The following DAB1 variants were observed in gnomAD, a reference collection of about 807,000 sequenced individuals.
DAB1 encodes the protein DAB adaptor protein 1.
A neutral mutation model predicts 64.6 loss-of-function variants in DAB1; 15 were observed. That is an observed-to-expected ratio of 0.23 (90% CI 0.16 to 0.36). The LOEUF (loss-of-function observed/expected upper bound fraction) is 0.36. Ranked by LOEUF, DAB1 falls within the 10% of genes least tolerant of loss-of-function variation. DAB1 has a pLI of 1.00. For missense variants in DAB1, 596 were observed against 706.7 expected (o/e 0.84, Z 1.78); for synonymous variants, 235 against 251.9 (o/e 0.93, Z 0.64).
intron 3 of DAB1, among the ~76,000 whole-genome samples, chr1:58,490,457 T>G (rs1039450209): frequency 4.6e-5 from 7 of 152,164 alleles, no homozygotes; most frequent in African/African-American, 1.7e-4. Context: ...AGACCAAATC[T>G]ACATCTGATT....
At chr1:57,439,267 C>G (rs1484002396) in intron 7 of DAB1, among the ~76,000 whole-genome samples, 5 of 152,036 alleles carry the variant, frequency 3.3e-5, no homozygotes, top group Non-Finnish European at 7.4e-5. Context: ...CAAAAGAAAT[C>G]AAATCCCTAT....
At chr1:58,397,886 A>G (rs948028775) in intron 3 of DAB1, among the ~76,000 whole-genome samples, 1 of 152,206 alleles carries the variant, frequency 6.6e-6, no homozygotes, top group Non-Finnish European at 1.5e-5. Flanking sequence ...TAAGGTAATT[A>G]AATGAGTTAC....
Position 57,613,899 on chromosome 1 carries a change from C to T in DAB1, n.625+35693G>A, listed in dbSNP as rs142259236. ...GGGCAAGTCAAAGTACTCCTTTGTT[C>T]TTTGCTCTAGTAGAAAGGGGATAAT... On this transcript the variant is annotated intron_variant and non_coding_transcript_variant, in intron 7 of 20. Coordinates refer to the DAB1 transcript ENST00000485760. Among the ~76,000 whole-genome samples the T allele has an allele frequency of 7.2e-5, 11 of 152,258 alleles. No homozygotes were observed. In the East Asian group the frequency reaches 2.1e-3, roughly 29 times the overall value.
intron 3 of DAB1, among the ~76,000 whole-genome samples, chr1:58,438,334 C>T (rs1204796050): frequency 2.0e-5 from 3 of 152,188 alleles, no homozygotes; most frequent in Admixed American, 2.0e-4. Context: ...TGGGCCTAAT[C>T]AAGTCTTGAG....
Position 57,134,451 on chromosome 1 carries a change from G to A in DAB1, c.306+2092C>T, listed in dbSNP as rs1041831898. Among the ~76,000 whole-genome samples, 19 of 136,578 alleles carry A rather than the reference G, an allele frequency of 1.4e-4. 1 individual carries two copies. In the East Asian group the frequency reaches 3.7e-3, roughly 26 times the overall value. The allele number at this position is 136,578 out of a possible 152,430, so 89.6% of individuals were successfully genotyped here. On this transcript the variant is annotated intron_variant, in intron 4 of 14. Coordinates refer to ENST00000371236, the MANE Select transcript of DAB1 (RefSeq NM_001365792.1). ...AATACAAAAAAATTTAGCTGGGCGT[G>A]CTAGTGAACACCTGTAATCCCAGCT... is the stretch of plus-strand genomic sequence containing the variant.
rs149755177 is a variant in DAB1, at chr1:58,387,207, T to C, written n.258-43804A>G. Among the ~76,000 whole-genome samples the C allele has an allele frequency of 6.2e-3, 948 of 152,294 alleles. 8 individuals carry two copies. The highest frequency in any genetic ancestry group is 0.022 in the African/African-American group (922 of 41,550). On this transcript the variant is annotated intron_variant and non_coding_transcript_variant, in intron 3 of 20. Coordinates refer to the DAB1 transcript ENST00000485760. ...AAACACTGCTGGCCCCTGCTCTACATCCACTGCAGAGGCCAAGGGAAAGGT... is the reference window on the plus strand; with the variant it reads ...AAACACTGCTGGCCCCTGCTCTACACCCACTGCAGAGGCCAAGGGAAAGGT...
At chr1:58,534,952 G>A (rs1646493906) in intron 1 of DAB1, among the ~76,000 whole-genome samples, 1 of 152,036 alleles carries the variant, frequency 6.6e-6, no homozygotes, top group East Asian at 1.9e-4. Context: ...AAAAAGAAAA[G>A]AAAAGGAGAG....
At chr1:57,087,409 C>T (rs1653195746) in intron 4 of DAB1, among the ~76,000 whole-genome samples, 1 of 152,172 alleles carries the variant, frequency 6.6e-6, no homozygotes. Context: ...TAAGGAGTCA[C>T]CAAGGGAGAA....
At chr1:58,420,222 T>C (rs1032026021) in intron 3 of DAB1, among the ~76,000 whole-genome samples, 2 of 152,220 alleles carry the variant, frequency 1.3e-5, no homozygotes, top group South Asian at 4.1e-4. Flanking sequence ...AGCTGTCCCA[T>C]CTACCTTTCT....
intron 5 of DAB1, among the ~76,000 whole-genome samples, chr1:57,981,474 G>A (rs1557593167): frequency 6.6e-6 from 1 of 152,144 alleles, no homozygotes; most frequent in East Asian, 1.9e-4. Flanking sequence ...GAAAAGGCAT[G>A]ATCCTAAATT....
chr1:57,321,125 A>C (rs1165777927), intron 1 of DAB1, among the ~76,000 whole-genome samples: 1 of 152,168 alleles, frequency 6.6e-6, no homozygotes, highest in Non-Finnish European at 1.5e-5. Context: ...CCAGGTATCA[A>C]CTCAGGCAGA....
chr1:57,778,674 G>A (rs1029554772), intron 6 of DAB1, among the ~76,000 whole-genome samples: 11 of 152,026 alleles, frequency 7.2e-5, no homozygotes, highest in Non-Finnish European at 8.8e-5. Context: ...TCTTCCATTC[G>A]CCATCTGCGA....
chr1:57,163,309 C>G (rs775446025), intron 2 of DAB1, among the ~76,000 whole-genome samples: 2 of 152,104 alleles, frequency 1.3e-5, no homozygotes, highest in Non-Finnish European at 2.9e-5. Flanking sequence ...TTTAGACAGG[C>G]TGGTCCATGA....
At chr1:57,487,978 T>C (rs1047621983) in intron 7 of DAB1, among the ~76,000 whole-genome samples, 2 of 152,220 alleles carry the variant, frequency 1.3e-5, no homozygotes, top group African/African-American at 4.8e-5. Context: ...CTTATACAAA[T>C]GAACTCACAA....
chr1:58,507,802 A>C (rs1427542378), intron 2 of DAB1, among the ~76,000 whole-genome samples: 2 of 152,264 alleles, frequency 1.3e-5, no homozygotes, highest in East Asian at 1.9e-4. Context: ...AGGTAATCAC[A>C]TTCACAATAA....
chr1:57,361,592 C>G (rs1349558354), intron 1 of DAB1, among the ~76,000 whole-genome samples: 2 of 150,398 alleles, frequency 1.3e-5, no homozygotes, highest in Admixed American at 1.3e-4. Context: ...TTTTTTTTTT[C>G]CTTTGGCCAC....
At chr1:57,899,799 G>A (rs1205428017) in intron 5 of DAB1, among the ~76,000 whole-genome samples, 1 of 152,062 alleles carries the variant, frequency 6.6e-6, no homozygotes, top group African/African-American at 2.4e-5. Context: ...TCTCGCATTG[G>A]ACTAGAGGTA....
chr1:57,570,254 A>C (rs1319800639), intron 7 of DAB1, among the ~76,000 whole-genome samples: 1 of 152,122 alleles, frequency 6.6e-6, no homozygotes. Context: ...ATTTTCTCCC[A>C]TGTTGGATGC....
intron 7 of DAB1, among the ~76,000 whole-genome samples, chr1:57,616,388 T>C (rs1645790190): frequency 6.8e-6 from 1 of 147,142 alleles, no homozygotes; most frequent in Admixed American, 6.8e-5. Context: ...ATTCGTTTCC[T>C]GCATATTGAA....
Sources: allele counts gnomAD v4.1 joint callset (sites outside exome capture counted in the v4.1 genomes callset), GRCh38; gene constraint gnomAD v4.1.1; transcripts MANE v1.5; gene names NCBI Gene and HGNC (gene_info 2026-07-23, HGNC 2026-07-21).